Variants in RHBDD1 observed in about 807,000 individuals in gnomAD.
The protein encoded by RHBDD1 is rhomboid-related protein 4.
Under a neutral mutation model 36.3 loss-of-function variants are expected in RHBDD1, and 38 were observed. The ratio of observed to expected loss-of-function variants is 1.05; its 90% CI spans 0.81 to 1.37. The LOEUF is 1.37. Among genes scored for constraint, RHBDD1 ranks in the 40% most tolerant of loss-of-function variants. The probability of loss-of-function intolerance (pLI) is 0.00; values close to 1 mark genes in which losing one functional copy is unlikely to be tolerated. For missense variants in RHBDD1, 393 were observed against 377.6 expected (o/e 1.04, Z -0.34); for synonymous variants, 151 against 136.5 (o/e 1.11, Z -0.74).
chr2:226,821,430 G>A, the RHBDD1 span, among the ~76,000 whole-genome samples: 1 of 151,932 alleles, frequency 6.6e-6, no homozygotes, highest in African/African-American at 2.4e-5. Context: ...CATTGACTTT[G>A]TTGTATTTTT....
chr2:226,891,266 T>C (rs1946659675), intron 5 of RHBDD1, among the ~76,000 whole-genome samples: 1 of 152,190 alleles, frequency 6.6e-6, no homozygotes, highest in South Asian at 2.1e-4. Context: ...CAATTCCTTC[T>C]GTGTTGTTGG....
chr2:226,856,722 G>A (rs866893966), intron 3 of RHBDD1, among the ~76,000 whole-genome samples: 11 of 152,160 alleles, frequency 7.2e-5, no homozygotes, highest in Admixed American at 5.9e-4. Context: ...TTTTGACCAC[G>A]TTAATGCGCT....
intron 5 of RHBDD1, among the ~76,000 whole-genome samples, chr2:226,884,518 A>C (rs1304498324): frequency 6.6e-6 from 1 of 152,134 alleles, no homozygotes; most frequent in Non-Finnish European, 1.5e-5. Flanking sequence ...GAGCATTTTA[A>C]TTTTGTAGTC....
chr2:226,812,117 G>T, the RHBDD1 span, among the ~76,000 whole-genome samples: 2 of 152,212 alleles, frequency 1.3e-5, no homozygotes, highest in Non-Finnish European at 2.9e-5. Context: ...GCAACTGAAT[G>T]AGCCCTGCTA....
intron 5 of RHBDD1, among the ~76,000 whole-genome samples, chr2:226,894,757 T>C (rs1376690689): frequency 6.6e-6 from 1 of 152,198 alleles, no homozygotes; most frequent in African/African-American, 2.4e-5. Flanking sequence ...GTATTGGGTG[T>C]GATTGGGTTG....
At chr2:226,974,787 T>C (rs1954260924) in intron 8 of RHBDD1, among the ~76,000 whole-genome samples, 1 of 152,186 alleles carries the variant, frequency 6.6e-6, no homozygotes, top group African/African-American at 2.4e-5. Context: ...TGTACAGTGC[T>C]GAGAGTCGTG....
At chr2:226,861,982 G>A (rs1455694890) in intron 3 of RHBDD1, among the ~76,000 whole-genome samples, 1 of 152,168 alleles carries the variant, frequency 6.6e-6, no homozygotes, top group Non-Finnish European at 1.5e-5. Context: ...ATGTGTGTGT[G>A]CATGCACGTG....
At chr2:226,968,425 A>G (rs1023338804) in intron 8 of RHBDD1, among the ~76,000 whole-genome samples, 2 of 151,898 alleles carry the variant, frequency 1.3e-5, no homozygotes, top group Non-Finnish European at 2.9e-5. Context: ...TTCTTCAGGG[A>G]AGTTTCAGCT....
rs1161655703 is a variant in RHBDD1 at position 226,996,849 on chromosome 2, TTAAAAA to T, written c.*1332_*1337del. The stretch of plus-strand genomic sequence containing the variant: ...ATAACATATAGTCAAGAAAACAGAC[TTAAAAA>T]TAAATACTATGTGTCCATTGAGAAA... On this transcript the variant is annotated 3_prime_UTR_variant, in exon 9 of 9. Transcript: ENST00000392062. The T allele has an allele frequency of 1.3e-5, 2 of 152,198 alleles. No homozygotes were observed. Among genetic ancestry groups the T allele is most frequent in the African/African-American group, 4.8e-5 (2 of 41,460 alleles). 9.4% of individuals were successfully genotyped at this position (152,198 alleles called of 1,614,324 possible).
rs529276921 is a variant in RHBDD1, at chr2:226,926,452, AT to A, written c.856+12106del. Among the ~76,000 whole-genome samples the A allele has an allele frequency of 1.1e-3, 173 of 152,172 alleles. 1 individual carries two copies. Among genetic ancestry groups the A allele is most frequent in the Non-Finnish European group, 2.0e-3 (136 of 67,990 alleles). On this transcript the variant is annotated intron_variant, in intron 8 of 8. Transcript: ENST00000392062. Reference sequence around the variant, plus strand: ...CATACCGTGCCCTTTTTATGATTTAATTTTTCAGGACACCAGTCTCATTGAA... The same window carrying A: ...CATACCGTGCCCTTTTTATGATTTAATTTTCAGGACACCAGTCTCATTGAA...
chr2:226,936,665 A>G (rs991268223), intron 8 of RHBDD1, among the ~76,000 whole-genome samples: 6 of 152,084 alleles, frequency 3.9e-5, no homozygotes, highest in African/African-American at 1.4e-4. Flanking sequence ...AATCTTAATG[A>G]TTTCAGAAAT....
chr2:226,820,088 C>T, the RHBDD1 span, among the ~76,000 whole-genome samples: 1 of 151,160 alleles, frequency 6.6e-6, no homozygotes, highest in African/African-American at 2.4e-5. Context: ...TCAAGTCTCT[C>T]CCATTTTGGC....
intron 8 of RHBDD1, among the ~76,000 whole-genome samples, chr2:226,942,241 C>CTTT (rs11449035): frequency 3.5e-5 from 5 of 142,282 alleles, no homozygotes; most frequent in Admixed American, 1.4e-4. Context: ...TCGTGATCAT[C>CTTT]TTTTTTTTTT....
intron 5 of RHBDD1, among the ~76,000 whole-genome samples, chr2:226,891,875 C>G (rs1432011952): frequency 1.3e-5 from 2 of 152,334 alleles, no homozygotes; most frequent in East Asian, 3.9e-4. Flanking sequence ...CAGTGCTTCA[C>G]TGGACTGTCA....
chr2:226,828,044 T>C, the RHBDD1 span, among the ~76,000 whole-genome samples: 3 of 152,246 alleles, frequency 2.0e-5, no homozygotes, highest in African/African-American at 7.2e-5. Flanking sequence ...AATAAATTTA[T>C]AGGCAACCAT....
intron 8 of RHBDD1, among the ~76,000 whole-genome samples, chr2:226,978,385 T>C (rs1462825007): frequency 6.6e-6 from 1 of 151,936 alleles, no homozygotes; most frequent in Non-Finnish European, 1.5e-5. Context: ...AAGGGAAACA[T>C]GTGTGTACTG....
At chr2:226,920,834 C>T (rs1285018676) in intron 8 of RHBDD1, among the ~76,000 whole-genome samples, 1 of 152,048 alleles carries the variant, frequency 6.6e-6, no homozygotes, top group Admixed American at 6.6e-5. Context: ...TCTTTGATAT[C>T]TTTGTCTGGT....
chr2:226,970,613 A>C (rs1163501682), intron 8 of RHBDD1, among the ~76,000 whole-genome samples: 1 of 152,224 alleles, frequency 6.6e-6, no homozygotes, highest in Non-Finnish European at 1.5e-5. Context: ...CATCAAACAT[A>C]GCGAGAGGCA....
intron 5 of RHBDD1, among the ~76,000 whole-genome samples, chr2:226,879,089 AAC>A (rs749491805): frequency 2.0e-5 from 3 of 151,632 alleles, no homozygotes; most frequent in Non-Finnish European, 2.9e-5. Flanking sequence ...AAAAAAAAAA[AAC>A]AGACATAGAA....
Sources: allele counts gnomAD v4.1 joint callset (sites outside exome capture counted in the v4.1 genomes callset), GRCh38; gene constraint gnomAD v4.1.1; transcripts MANE v1.5; gene names NCBI Gene and HGNC (gene_info 2026-07-23, HGNC 2026-07-21).